The following SPEF2 variants were observed in gnomAD, a reference collection of about 807,000 sequenced individuals.
The protein encoded by SPEF2 is sperm flagella and cilia-associated protein 2.
A neutral mutation model predicts 224.6 loss-of-function variants in SPEF2; 187 were observed. The observed-to-expected ratio is 0.83, with a 90% CI of 0.74 to 0.94. The LOEUF is 0.94. Ranked by LOEUF, SPEF2 falls within the 40% of genes least tolerant of loss-of-function variation. SPEF2 has a pLI of 0.00. For missense variants in SPEF2, 2,170 were observed against 2,135.6 expected (o/e 1.02, Z -0.32); for synonymous variants, 715 against 707.3 (o/e 1.01, Z -0.17).
chr5:35,714,385 A>G (rs367713008), intron 20 of SPEF2, among the ~76,000 whole-genome samples: 1 of 151,738 alleles, frequency 6.6e-6, no homozygotes. Context: ...TACACCCTCA[A>G]TAAGTGAACT....
At chr5:35,678,573 A>G (rs1752345525) in intron 10 of SPEF2, 1 of 152,248 alleles carries the variant, frequency 6.6e-6, no homozygotes, top group East Asian at 1.9e-4. Flanking sequence ...GTAGCTAACC[A>G]TACGCTGACC....
At chr5:35,671,466 T>C in intron 10 of SPEF2, 1 of 980,666 alleles carries the variant, frequency 1.0e-6, no homozygotes. Context: ...ATACTAGACC[T>C]ATTACATCCA....
intron 6 of SPEF2, among the ~76,000 whole-genome samples, chr5:35,650,889 G>T (rs1748098119): frequency 6.6e-6 from 1 of 152,112 alleles, no homozygotes; most frequent in African/African-American, 2.4e-5. Context: ...TGTCTCTCAT[G>T]TAATAGAAAT....
chr5:35,652,031 T>G (rs1484831434), intron 6 of SPEF2, among the ~76,000 whole-genome samples: 1 of 152,226 alleles, frequency 6.6e-6, no homozygotes, highest in Admixed American at 6.5e-5. Context: ...CAGCAACTAC[T>G]TCTTAAGAAA....
intron 34 of SPEF2, among the ~76,000 whole-genome samples, chr5:35,801,719 C>T (rs1757444704): frequency 6.6e-6 from 1 of 152,090 alleles, no homozygotes; most frequent in South Asian, 2.1e-4. Context: ...CAAATGATGT[C>T]AGACCCGCTG....
chr5:35,743,888 A>G (rs1362252632), intron 23 of SPEF2, among the ~76,000 whole-genome samples: 1 of 152,100 alleles, frequency 6.6e-6, no homozygotes. Flanking sequence ...CATCCCCACA[A>G]CCACCCTCTG....
intron 4 of SPEF2, among the ~76,000 whole-genome samples, chr5:35,645,435 C>T (rs1747229275): frequency 6.6e-6 from 1 of 152,070 alleles, no homozygotes; most frequent in Non-Finnish European, 1.5e-5. Context: ...TTCTACCTGC[C>T]TCAGAGTTCA....
intron 29 of SPEF2, among the ~76,000 whole-genome samples, chr5:35,778,603 T>C (rs2149797946): frequency 6.6e-6 from 1 of 152,300 alleles, no homozygotes; most frequent in East Asian, 1.9e-4. Context: ...GACATCTTTG[T>C]TTTAGATAAC....
chr5:35,706,060 C>A (rs894448870), intron 18 of SPEF2, among the ~76,000 whole-genome samples: 2 of 143,830 alleles, frequency 1.4e-5, no homozygotes, highest in African/African-American at 5.1e-5. Context: ...AAAAAAAAAA[C>A]AAGAAAAAAA....
chr5:35,651,972 G>T (rs369383163), intron 6 of SPEF2, among the ~76,000 whole-genome samples: 1 of 152,204 alleles, frequency 6.6e-6, no homozygotes. Flanking sequence ...GGGGTTATTG[G>T]CTGCTGTAAT....
chr5:35,625,185 ATACT>A (rs1744068324), intron 1 of SPEF2, among the ~76,000 whole-genome samples: 1 of 152,152 alleles, frequency 6.6e-6, no homozygotes, highest in South Asian at 2.1e-4. Context: ...AGATATTTTG[ATACT>A]TACAGATTTT....
intron 20 of SPEF2, among the ~76,000 whole-genome samples, chr5:35,718,321 C>T (rs1047208930): frequency 5.9e-5 from 9 of 152,040 alleles, no homozygotes; most frequent in African/African-American, 2.2e-4. Context: ...GATGCAATTA[C>T]CTATCTGTGA....
At chr5:35,787,370 C>A (rs971362792) in intron 30 of SPEF2, among the ~76,000 whole-genome samples, 1 of 151,990 alleles carries the variant, frequency 6.6e-6, no homozygotes, top group African/African-American at 2.4e-5. Flanking sequence ...GACACACTAC[C>A]ATGTATGCTC....
chr5:35,781,657 C>T (rs1337014797), intron 30 of SPEF2: 1 of 150,888 alleles, frequency 6.6e-6, no homozygotes, highest in Non-Finnish European at 1.5e-5. Flanking sequence ...ATTTACAAGG[C>T]TATACAATAC....
intron 23 of SPEF2, among the ~76,000 whole-genome samples, chr5:35,747,978 C>G (rs1339358768): frequency 6.6e-6 from 1 of 152,108 alleles, no homozygotes; most frequent in Non-Finnish European, 1.5e-5. Flanking sequence ...GAAATTATAT[C>G]AAGCACTCTC....
chr5:35,737,627 G>T (rs1022187765), intron 21 of SPEF2, among the ~76,000 whole-genome samples: 2 of 151,996 alleles, frequency 1.3e-5, no homozygotes, highest in Admixed American at 1.3e-4. Context: ...TGGACATTTG[G>T]GTTGGTTCCA....
At chr5:35,730,798 T>A (rs1268368149) in intron 21 of SPEF2, among the ~76,000 whole-genome samples, 2 of 152,118 alleles carry the variant, frequency 1.3e-5, no homozygotes, top group Non-Finnish European at 2.9e-5. Flanking sequence ...ATTTCAAACC[T>A]ATAGTGAAAT....
At chr5:35,636,699 G>T (rs562107850) in intron 2 of SPEF2, among the ~76,000 whole-genome samples, 2 of 152,148 alleles carry the variant, frequency 1.3e-5, no homozygotes, top group Non-Finnish European at 2.9e-5. Flanking sequence ...TCTGGGCCGG[G>T]TGTGGTGGCT....
intron 21 of SPEF2, among the ~76,000 whole-genome samples, chr5:35,735,304 C>G (rs893768247): frequency 1.3e-5 from 2 of 152,156 alleles, no homozygotes; most frequent in Non-Finnish European, 2.9e-5. Context: ...CTCATGTATC[C>G]TGAATCCCAG....
Sources: gnomAD v4.1 joint callset for allele counts (sites outside exome capture counted in the v4.1 genomes callset) on GRCh38, gnomAD v4.1.1 for gene constraint, MANE v1.5 for transcripts, NCBI Gene and HGNC (gene_info 2026-07-23, HGNC 2026-07-21) for gene names.